NNT: variants seen among roughly 807,000 people sequenced by gnomAD.
NNT encodes NAD(P) transhydrogenase, mitochondrial.
A neutral mutation model predicts 104.8 loss-of-function variants in NNT; 50 were observed. The ratio of observed to expected loss-of-function variants is 0.48; its 90% CI spans 0.38 to 0.60. The LOEUF (loss-of-function observed/expected upper bound fraction) is 0.60, where lower values mean the gene tolerates loss of function less well. Among genes scored for constraint, NNT ranks in the 20% least tolerant of loss-of-function variants. The pLI, the probability that NNT is intolerant of heterozygous loss-of-function variation, is 0.00. For synonymous variants in NNT, 461 were observed against 490.4 expected, an observed-to-expected ratio of 0.94 and a Z score of 0.79; for missense variants, 1,131 against 1,330.7, an observed-to-expected ratio of 0.85 and a Z score of 2.33.
At chr5:43,686,085 G>A (rs1741973218) in intron 19 of NNT, among the ~76,000 whole-genome samples, 2 of 151,988 alleles carry the variant, frequency 1.3e-5, no homozygotes, top group African/African-American at 4.8e-5. Flanking sequence ...AGATCAGGTT[G>A]TTTCATTTGA....
At chr5:43,656,442 T>G (rs1167218778) in intron 15 of NNT, among the ~76,000 whole-genome samples, 1 of 152,186 alleles carries the variant, frequency 6.6e-6, no homozygotes, top group Non-Finnish European at 1.5e-5. Flanking sequence ...CATAAAGCTT[T>G]GAAGCTGTTT....
At chr5:43,603,083 G>A (rs1235069599), upstream of NNT, 1 of 152,754 alleles carries the variant, frequency 6.5e-6, no homozygotes, top group Non-Finnish European at 1.5e-5. Flanking sequence ...TCGGGTGGAG[G>A]GGGCCTGGCG....
chr5:43,704,216 C>A, intron 21 of NNT, 39 bp from the exon 22 acceptor site: 1 of 1,504,074 alleles, frequency 6.6e-7, no homozygotes, highest in Non-Finnish European at 8.8e-7. Context: ...CTAGGTTGGT[C>A]TGTTAAATAC....
chr5:43,692,363 G>A (rs748529585), intron 19 of NNT, among the ~76,000 whole-genome samples: 24 of 151,864 alleles, frequency 1.6e-4, no homozygotes, highest in African/African-American at 5.1e-4. Context: ...TTGCTTTCTC[G>A]CCCAGGCTGG....
At chr5:43,692,849 G>A (rs1456199351) in intron 19 of NNT, among the ~76,000 whole-genome samples, 1 of 152,024 alleles carries the variant, frequency 6.6e-6, no homozygotes, top group Admixed American at 6.5e-5. Context: ...CCATTTTGAT[G>A]TTCAAATAAC....
chr5:43,625,336 G>A (rs1049736031), intron 6 of NNT, among the ~76,000 whole-genome samples: 1 of 151,990 alleles, frequency 6.6e-6, no homozygotes, highest in African/African-American at 2.4e-5. Flanking sequence ...GAATATGGCT[G>A]TTGCTTATAT....
chr5:43,681,731 G>A (rs1054986919), intron 19 of NNT, among the ~76,000 whole-genome samples: 1 of 152,124 alleles, frequency 6.6e-6, no homozygotes, highest in Non-Finnish European at 1.5e-5. Context: ...CTGATGTTAT[G>A]TATTGCTTTC....
chr5:43,682,940 C>G (rs890650774), intron 19 of NNT, among the ~76,000 whole-genome samples: 1 of 152,170 alleles, frequency 6.6e-6, no homozygotes, highest in South Asian at 2.1e-4. Flanking sequence ...GATAATCTGA[C>G]TTGGAGATTA....
chr5:43,700,466 G>A (rs573848981), intron 20 of NNT, among the ~76,000 whole-genome samples: 1 of 152,318 alleles, frequency 6.6e-6, no homozygotes, highest in South Asian at 2.1e-4. Context: ...AAGAACTGAA[G>A]GATGGTGAAA....
At chr5:43,618,552 TGGACTATATA>T (rs1413113711) in intron 4 of NNT, among the ~76,000 whole-genome samples, 2 of 152,248 alleles carry the variant, frequency 1.3e-5, no homozygotes, top group African/African-American at 4.8e-5. Flanking sequence ...AAACAATATT[TGGACTATATA>T]GTAAAGTAAG....
intron 17 of NNT, among the ~76,000 whole-genome samples, chr5:43,672,694 A>G (rs919198959): frequency 2.0e-5 from 3 of 152,170 alleles, no homozygotes; most frequent in Admixed American, 6.5e-5. Flanking sequence ...GTCTGCCCCT[A>G]CTGGAGGGTG....
At chr5:43,650,970 C>T (rs960006051) in intron 12 of NNT, among the ~76,000 whole-genome samples, 3 of 152,184 alleles carry the variant, frequency 2.0e-5, no homozygotes, top group Non-Finnish European at 4.4e-5. Flanking sequence ...AAGCCTAGCA[C>T]ATCACTCATG....
chr5:43,610,780 A>C (rs1749461159), intron 2 of NNT, among the ~76,000 whole-genome samples: 1 of 152,202 alleles, frequency 6.6e-6, no homozygotes, highest in Non-Finnish European at 1.5e-5. Context: ...CCTGGTGATA[A>C]AATTGTGTAT....
At chr5:43,671,194 GTC>G (rs1372117448) in intron 17 of NNT, among the ~76,000 whole-genome samples, 1 of 152,110 alleles carries the variant, frequency 6.6e-6, no homozygotes, top group Non-Finnish European at 1.5e-5. Context: ...TGTGAGATGA[GTC>G]TTGTGAATAC....
At chr5:43,653,265 T>C in intron 14 of NNT, 52 bp downstream of exon 14, 1 of 1,493,918 alleles carries the variant, frequency 6.7e-7, no homozygotes, top group Non-Finnish European at 9.1e-7. Flanking sequence ...TCTCAATATA[T>C]ATTTCTAAGG....
intron 15 of NNT, 96 bp downstream of exon 15, chr5:43,656,169 G>T (rs774224803): frequency 3.7e-6 from 4 of 1,068,898 alleles, no homozygotes; most frequent in Non-Finnish European, 4.1e-6. Flanking sequence ...AGGGCTGGGC[G>T]CAATGGCTCA....
intron 19 of NNT, among the ~76,000 whole-genome samples, chr5:43,681,804 G>T (rs1207826358): frequency 1.3e-5 from 2 of 152,160 alleles, no homozygotes; most frequent in African/African-American, 4.8e-5. Flanking sequence ...GCTAGGTACT[G>T]AGCATACAAG....
In NNT at chr5:43,705,158, A is replaced by C. The variant is rs1365415851; in HGVS notation, c.*754A>C. ...ATCTCTTTAATTTCGATCAACTTATAATGTGTAGTACTATATTAAGTGCAC... is the reference window on the plus strand; with the variant it reads ...ATCTCTTTAATTTCGATCAACTTATCATGTGTAGTACTATATTAAGTGCAC... On this transcript the variant is annotated 3_prime_UTR_variant, in exon 22 of 22. Coordinates refer to ENST00000344920, the MANE Select transcript of NNT (RefSeq NM_182977.3). The C allele has an allele frequency of 6.6e-6, 1 of 152,148 alleles. No homozygotes were observed. Among genetic ancestry groups the C allele is most frequent in the East Asian group, 1.9e-4 (1 of 5,198 alleles). The allele number at this position is 152,148 out of a possible 1,614,324, so 9.4% of individuals were successfully genotyped here.
At chr5:43,608,669 A>G (rs1749349781) in intron 1 of NNT, among the ~76,000 whole-genome samples, 1 of 152,172 alleles carries the variant, frequency 6.6e-6, no homozygotes. Context: ...AGTATTTGGT[A>G]TGACCTGGTG....
Sources: gnomAD v4.1 joint callset for allele counts (sites outside exome capture counted in the v4.1 genomes callset) on GRCh38, gnomAD v4.1.1 for gene constraint, MANE v1.5 for transcripts, NCBI Gene and HGNC (gene_info 2026-07-23, HGNC 2026-07-21) for gene names.